SUMF2: variants seen among roughly 807,000 people sequenced by gnomAD.
SUMF2 encodes inactive C-alpha-formylglycine-generating enzyme 2.
Under a neutral mutation model 44.8 loss-of-function variants are expected in SUMF2, and 45 were observed. The ratio of observed to expected loss-of-function variants is 1.00; its 90% CI spans 0.79 to 1.29. The LOEUF (loss-of-function observed/expected upper bound fraction) is 1.29. SUMF2 is among the 50% of genes most tolerant of loss of function. The pLI is 0.00. For missense variants in SUMF2, 418 were observed against 389.9 expected (o/e 1.07, Z -0.61); for synonymous variants, 148 against 150.4 (o/e 0.98, Z 0.12).
rs145277733 is a variant in SUMF2 at position 56,076,879 on chromosome 7, A to C, written c.581A>C (p.Asn194Thr). 104 of 1,605,708 alleles carry C rather than the reference A, an allele frequency of 6.5e-5. 1 individual carries two copies. The highest frequency in any genetic ancestry group is 5.0e-4 in the Middle Eastern group (3 of 6,038). ...WGNWFQPNRT[N>T]LWQGKFPKGD... ...AACTGGTTCCAGCCAAACCGCACCA[A>C]CCTGTGGCAGGTAAGACCTACGTTC... Residue 194 changes from asparagine (N) to threonine (T), a missense_variant, in exon 6 of 9, where the codon AAC becomes ACC. Coordinates refer to ENST00000434526, the MANE Select transcript of SUMF2 (RefSeq NM_015411.4).
Position 56,068,572 on chromosome 7 carries a change from C to G in SUMF2, c.158C>G (p.Pro53Arg). The G allele has an allele frequency of 6.2e-7, 1 of 1,613,976 alleles. No homozygotes were observed. Residue 53 changes from proline (P) to arginine (R), a missense_variant, in exon 2 of 9, where the codon CCT becomes CGT. Coordinates refer to ENST00000434526, the MANE Select transcript of SUMF2 (RefSeq NM_015411.4). Reference sequence around the variant, plus strand: ...CCAGACAGCAGAGATGGTGACGGGCCTGTGCGGGAGGCGACAGTGAAACCC... The same window carrying G: ...CCAGACAGCAGAGATGGTGACGGGCGTGTGCGGGAGGCGACAGTGAAACCC... ...NSPDSRDGDG[P>R]VREATVKPFA...
chr7:56,080,947 C>A, downstream of SUMF2: 4 of 1,352,792 alleles, frequency 3.0e-6, no homozygotes, highest in Non-Finnish European at 4.0e-6. Flanking sequence ...TGGCCAGGGC[C>A]AAGTGCTCCT....
chr7:56,076,028 A>AT (rs71015183), intron 5 of SUMF2, among the ~76,000 whole-genome samples: 23,304 of 125,208 alleles, frequency 0.19, 2,253 homozygotes, highest in African/African-American at 0.23. Context: ...ATGCCCGGCT[A>AT]TTTTTTTTTT....
intron 1 of SUMF2, among the ~76,000 whole-genome samples, chr7:56,067,564 G>A (rs1794883809): frequency 6.6e-6 from 1 of 151,928 alleles, no homozygotes; most frequent in South Asian, 2.1e-4. Flanking sequence ...AATAAGCTAT[G>A]GTCGTCCATA....
At chr7:56,084,333 GACCC>G (rs1025835519), downstream of SUMF2, 81 of 690,858 alleles carry the variant, frequency 1.2e-4, no homozygotes, top group Non-Finnish European at 1.7e-4. Flanking sequence ...ACTGGCCCAG[GACCC>G]CAGACCCAGA....
intron 6 of SUMF2, among the ~76,000 whole-genome samples, chr7:56,077,735 C>T (rs1204855550): frequency 6.6e-6 from 1 of 151,984 alleles, no homozygotes; most frequent in African/African-American, 2.4e-5. Context: ...GAATAGGCTG[C>T]AGTGCTCAGG....
At chr7:56,064,415 A>G (rs761158287) in intron 1 of SUMF2, 37 bp downstream of exon 1, 2 of 1,580,294 alleles carry the variant, frequency 1.3e-6, no homozygotes, top group Admixed American at 1.9e-5. Flanking sequence ...GGGCGCTGGG[A>G]AGGGGATGGG....
At chr7:56,077,000 T>A (rs1795605228) in intron 6 of SUMF2, 111 bp downstream of exon 6, 1 of 979,176 alleles carries the variant, frequency 1.0e-6, no homozygotes, top group African/African-American at 1.7e-5. Flanking sequence ...ATGCAACTGA[T>A]GACTCATAAG....
At chr7:56,082,279 A>G (rs763432195), downstream of SUMF2, 1 of 1,571,484 alleles carries the variant, frequency 6.4e-7, no homozygotes, top group Admixed American at 1.7e-5. Flanking sequence ...TCATCAGGGC[A>G]GGTCAGCAGG....
chr7:56,067,198 T>G (rs1345637628), intron 1 of SUMF2, among the ~76,000 whole-genome samples: 7 of 152,178 alleles, frequency 4.6e-5, no homozygotes, highest in Non-Finnish European at 8.8e-5. Context: ...TTCACCTAGC[T>G]GGGACAAGGG....
At chr7:56,083,198 A>T, downstream of SUMF2, 3 of 1,294,936 alleles carry the variant, frequency 2.3e-6, no homozygotes, top group Non-Finnish European at 3.3e-6. Flanking sequence ...GTTAGGGGAG[A>T]AACCCAGACC....
chr7:56,076,456 A>G (rs1189120331), intron 5 of SUMF2: 3 of 167,624 alleles, frequency 1.8e-5, no homozygotes, highest in Non-Finnish European at 2.5e-5. Context: ...CACCGCGACC[A>G]GCCAGTGATC....
downstream of SUMF2, among the ~76,000 whole-genome samples, chr7:56,084,870 C>T (rs1194535881): frequency 1.3e-5 from 2 of 152,166 alleles, no homozygotes; most frequent in African/African-American, 2.4e-5. Context: ...AAATAGCTTC[C>T]CCCAGCAACT....
At chr7:56,074,531 T>G (rs1795402118) in intron 4 of SUMF2, 55 bp from the exon 5 acceptor site, 1 of 1,598,796 alleles carries the variant, frequency 6.3e-7, no homozygotes, top group East Asian at 2.2e-5. Flanking sequence ...AAACCTAGCC[T>G]GCCTCCGACT....
intron 2 of SUMF2, 125 bp from the exon 3 acceptor site, chr7:56,072,872 G>A: frequency 3.1e-6 from 2 of 650,108 alleles, no homozygotes; most frequent in East Asian, 2.6e-5. Context: ...TAATTCCTTG[G>A]CAATCATGAA....
In SUMF2 at chr7:56,073,081, G is replaced by GGACTTTGTCT. The variant is rs765543442; in HGVS notation, c.309_310insGACTTTGTCT (p.Leu104AspfsTer51). ...TCTTTGAGGACTTTGTCTCTGATGA[G>GGACTTTGTCT]CTGAGAAACAAAGCCACCCAGCCAA... is the stretch of plus-strand genomic sequence containing the variant. On this transcript the variant is annotated frameshift_variant, in exon 3 of 9. Transcript: ENST00000434526. LOFTEE classifies it high-confidence loss of function. 4 of 1,614,140 alleles carry GGACTTTGTCT rather than the reference G, an allele frequency of 2.5e-6. No homozygotes were observed. The highest frequency in any genetic ancestry group is 3.4e-6 in the Non-Finnish European group (4 of 1,180,012).
chr7:56,072,809 G>C (rs1043463489), intron 2 of SUMF2, among the ~76,000 whole-genome samples, 188 bp from the exon 3 acceptor site: 5 of 152,332 alleles, frequency 3.3e-5, no homozygotes, highest in African/African-American at 1.2e-4. Flanking sequence ...GAATTTTACT[G>C]TATGTGAATT....
intron 5 of SUMF2, among the ~76,000 whole-genome samples, chr7:56,075,323 C>G (rs1455309940): frequency 6.6e-6 from 1 of 151,774 alleles, no homozygotes; most frequent in Admixed American, 6.6e-5. Flanking sequence ...ATAAATATAA[C>G]TAGAGCAACA....
At chr7:56,074,375 C>A in intron 4 of SUMF2, 157 bp downstream of exon 4, 2 of 1,004,842 alleles carry the variant, frequency 2.0e-6, no homozygotes, top group Non-Finnish European at 2.9e-6. Flanking sequence ...GTTTCACCTG[C>A]CCGAATCCTG....
Sources: allele counts gnomAD v4.1 joint callset (sites outside exome capture counted in the v4.1 genomes callset), GRCh38; gene constraint gnomAD v4.1.1; transcripts MANE v1.5; gene names NCBI Gene and HGNC (gene_info 2026-07-23, HGNC 2026-07-21).